Variants in EEFSEC observed in about 807,000 individuals in gnomAD.
The protein encoded by EEFSEC is selenocysteine-specific elongation factor.
Under a neutral mutation model 42.1 loss-of-function variants are expected in EEFSEC, and 43 were observed. That is an observed-to-expected ratio of 1.02 (90% CI 0.80 to 1.32). The LOEUF (loss-of-function observed/expected upper bound fraction) is 1.32. EEFSEC is among the 40% of genes most tolerant of loss of function. EEFSEC has a pLI of 0.00. For synonymous variants in EEFSEC, 354 were observed against 339.1 expected, an observed-to-expected ratio of 1.04 and a Z score of -0.48; for missense variants, 745 against 803.6, an observed-to-expected ratio of 0.93 and a Z score of 0.88.
At chr3:128,422,205 C>T in the EEFSEC span, among the ~76,000 whole-genome samples, 1 of 152,154 alleles carries the variant, frequency 6.6e-6, no homozygotes. Flanking sequence ...CCCTGGCTCC[C>T]TAGAACTCTA....
At chr3:128,242,662 A>T (rs1441844899) in intron 1 of EEFSEC, among the ~76,000 whole-genome samples, 1 of 152,310 alleles carries the variant, frequency 6.6e-6, no homozygotes, top group African/African-American at 2.4e-5. Context: ...TGACCCTTGT[A>T]AGTTTTTCAT....
intron 4 of EEFSEC, among the ~76,000 whole-genome samples, chr3:128,325,301 C>T (rs897055445): frequency 1.2e-4 from 18 of 152,226 alleles, no homozygotes; most frequent in African/African-American, 4.3e-4. Context: ...TGGACCCAAG[C>T]CTCTGTGCCT....
At chr3:128,381,039 A>G (rs1036906754) in intron 6 of EEFSEC, among the ~76,000 whole-genome samples, 5 of 152,242 alleles carry the variant, frequency 3.3e-5, no homozygotes, top group African/African-American at 9.6e-5. Flanking sequence ...AGGCCTTGAC[A>G]GGGAATCTTT....
chr3:128,346,329 G>A (rs2067311974), intron 5 of EEFSEC, among the ~76,000 whole-genome samples: 1 of 152,148 alleles, frequency 6.6e-6, no homozygotes, highest in South Asian at 2.1e-4. Flanking sequence ...TCCTTGCTTG[G>A]CTAACAAATG....
At chr3:128,330,861 CCCCATTCCTCAGTGCATCTCCCCTCTT>C (rs1407422365) in intron 4 of EEFSEC, among the ~76,000 whole-genome samples, 1 of 64,668 alleles carries the variant, frequency 1.5e-5, no homozygotes, top group African/African-American at 8.3e-5. Context: ...CTCCCCTCTT[CCCCATTCCTCAGTGCATCTCCCCTCTT>C]CCCCCTTCCT....
At chr3:128,308,758 G>C (rs569499003) in intron 4 of EEFSEC, among the ~76,000 whole-genome samples, 2 of 152,294 alleles carry the variant, frequency 1.3e-5, no homozygotes, top group South Asian at 4.1e-4. Flanking sequence ...GGACTCCCTG[G>C]GAACACAAGG....
At chr3:128,367,060 G>A (rs1226434391) in intron 6 of EEFSEC, among the ~76,000 whole-genome samples, 3 of 152,162 alleles carry the variant, frequency 2.0e-5, no homozygotes, top group Admixed American at 2.0e-4. Flanking sequence ...TCCTCACATG[G>A]CTGTCCCTCT....
At chr3:128,164,647 A>ATC (rs2065227044) in intron 1 of EEFSEC, among the ~76,000 whole-genome samples, 1 of 152,122 alleles carries the variant, frequency 6.6e-6, no homozygotes, top group Non-Finnish European at 1.5e-5. Context: ...GAGATATTAC[A>ATC]TTTTAGAAGA....
At chr3:128,222,612 T>C (rs2065872034) in intron 1 of EEFSEC, among the ~76,000 whole-genome samples, 1 of 152,246 alleles carries the variant, frequency 6.6e-6, no homozygotes, top group South Asian at 2.1e-4. Flanking sequence ...TACCATACTT[T>C]ATCTGTCTAC....
intron 6 of EEFSEC, among the ~76,000 whole-genome samples, chr3:128,400,380 A>C (rs2107634615): frequency 6.6e-6 from 1 of 152,090 alleles, no homozygotes; most frequent in Admixed American, 6.5e-5. Flanking sequence ...TCCAGTTCAG[A>C]CTGGAGCCTG....
At chr3:128,191,783 GAATTTCTTTCCCTTTTA>G (rs2065527261) in intron 1 of EEFSEC, among the ~76,000 whole-genome samples, 1 of 152,158 alleles carries the variant, frequency 6.6e-6, no homozygotes, top group African/African-American at 2.4e-5. Flanking sequence ...TCATGGATCA[GAATTTCTTTCCCTTTTA>G]AGGGAAAGAT....
intron 4 of EEFSEC, among the ~76,000 whole-genome samples, chr3:128,300,906 C>T (rs189580931): frequency 7.5e-6 from 1 of 132,882 alleles, no homozygotes; most frequent in African/African-American, 2.5e-5. Context: ...GCTTATTGTT[C>T]TATGCTTGGG....
chr3:128,322,955 C>T (rs893090356), intron 4 of EEFSEC, among the ~76,000 whole-genome samples: 1 of 152,202 alleles, frequency 6.6e-6, no homozygotes, highest in African/African-American at 2.4e-5. Flanking sequence ...TTCTACCCCA[C>T]CCCGGGGCAG....
At chr3:128,335,573 C>A (rs1051903891) in intron 4 of EEFSEC, among the ~76,000 whole-genome samples, 4 of 152,152 alleles carry the variant, frequency 2.6e-5, no homozygotes, top group Non-Finnish European at 5.9e-5. Flanking sequence ...ATCACGGGGG[C>A]TGTGTGGCAT....
At chr3:128,360,486 A>T (rs1263710408) in intron 6 of EEFSEC, among the ~76,000 whole-genome samples, 1 of 152,190 alleles carries the variant, frequency 6.6e-6, no homozygotes, top group Admixed American at 6.5e-5. Context: ...AGGCAGAGGG[A>T]AGAGCTTATG....
Position 128,153,778 on chromosome 3 carries a change from G to T in EEFSEC, c.271G>T (p.Val91Phe), listed in dbSNP as rs188146679. 1.1e-5 allele frequency: 17 copies of T among 1,534,356 alleles called. No individual in the cohort carries two copies. In the African/African-American group the frequency reaches 2.0e-4, roughly 18 times the overall value. Residue 91 changes from valine (V) to phenylalanine (F), a missense_variant, in exon 1 of 7, where the codon GTC becomes TTC. Coordinates refer to ENST00000254730, the MANE Select transcript of EEFSEC (RefSeq NM_021937.5). ...PGEPLLQVTL[V>F]DCPGHASLIR... ...CGAGCCACTGCTTCAGGTCACGCTGGTCGACTGCCCCGGGCACGCCTCCCT... is the reference window on the plus strand; with the variant it reads ...CGAGCCACTGCTTCAGGTCACGCTGTTCGACTGCCCCGGGCACGCCTCCCT...
chr3:128,368,839 C>T (rs940750690), intron 6 of EEFSEC, among the ~76,000 whole-genome samples: 2 of 152,244 alleles, frequency 1.3e-5, no homozygotes, highest in Non-Finnish European at 2.9e-5. Flanking sequence ...GAGCCTGACA[C>T]GTGCCGGAGT....
chr3:128,244,526 G>A lies in EEFSEC; in HGVS notation c.317-2310G>A, dbSNP rs369461801. ...GGGCTCTTAGCATGAGAAGGGCATG[G>A]TCAGGTCTGTGTTTTATTGTATTAT... On this transcript the variant is annotated intron_variant, in intron 1 of 6. Transcript: ENST00000254730. Among the ~76,000 whole-genome samples the A allele has an allele frequency of 3.8e-4, 57 of 151,730 alleles. No homozygotes were observed. The South Asian group carries it at 0.011, about 28-fold the overall frequency.
chr3:128,384,104 G>C (rs1419426270), intron 6 of EEFSEC, among the ~76,000 whole-genome samples: 1 of 152,198 alleles, frequency 6.6e-6, no homozygotes, highest in Non-Finnish European at 1.5e-5. Context: ...GGAAGCCCAG[G>C]CACAGAGCCT....
Sources: allele counts gnomAD v4.1 joint callset (sites outside exome capture counted in the v4.1 genomes callset), GRCh38; gene constraint gnomAD v4.1.1; transcripts MANE v1.5; gene names NCBI Gene and HGNC (gene_info 2026-07-23, HGNC 2026-07-21).